USH2A: variants seen among roughly 807,000 people sequenced by gnomAD.
The protein encoded by USH2A is usherin.
A neutral mutation model predicts 538.9 loss-of-function variants in USH2A; 443 were observed. The ratio of observed to expected loss-of-function variants is 0.82; its 90% confidence interval spans 0.76 to 0.89. The LOEUF is 0.89. Among genes scored for constraint, USH2A ranks in the 40% least tolerant of loss-of-function variants. The probability of loss-of-function intolerance (pLI) is 0.00; values close to 1 mark genes in which losing one functional copy is unlikely to be tolerated. For synonymous variants in USH2A, 2,413 were observed against 2,273.5 expected (o/e 1.06, Z -1.75); for missense variants, 6,633 against 6,324.8 (o/e 1.05, Z -1.65).
chr1:216,048,477 C>A, intron 31 of USH2A, 57 bp downstream of exon 31: 1 of 1,534,080 alleles, frequency 6.5e-7, no homozygotes, highest in Non-Finnish European at 9.0e-7. Flanking sequence ...TAGCTCTTCT[C>A]CTATTTTATT....
intron 3 of USH2A, among the ~76,000 whole-genome samples, chr1:216,405,009 G>A (rs190737508): frequency 0.012 from 1,812 of 151,790 alleles, 28 homozygotes; most frequent in Non-Finnish European, 0.016. Flanking sequence ...CCCATAGGTG[G>A]AACTACAGAC....
At chr1:215,798,042 C>T (rs755923263) in intron 50 of USH2A, among the ~76,000 whole-genome samples, 13 of 152,066 alleles carry the variant, frequency 8.5e-5, no homozygotes, top group Admixed American at 4.6e-4. Flanking sequence ...GATTCCAACC[C>T]TCATGGATGA....
At chr1:216,039,542 A>G (rs917359830) in intron 32 of USH2A, among the ~76,000 whole-genome samples, 1 of 152,006 alleles carries the variant, frequency 6.6e-6, no homozygotes, top group Non-Finnish European at 1.5e-5. Flanking sequence ...TCCTTTAGGT[A>G]ATAGTATTTT....
rs1458430039 is a variant in USH2A, at chr1:216,327,646, G to A, written c.793C>T (p.Gln265Ter). The A allele has an allele frequency of 6.2e-7, 1 of 1,613,042 alleles. No homozygotes were observed. Among genetic ancestry groups the A allele is most frequent in the Non-Finnish European group, 8.5e-7 (1 of 1,179,408 alleles). ...AAATCTTGCATTCTTCCGACAAACTGCTCTAAACCTGCAAATACACACATG... is the reference window on the plus strand; with the variant it reads ...AAATCTTGCATTCTTCCGACAAACTACTCTAAACCTGCAAATACACACATG... ...QIGQSLNGLE[Q>*]FVGRMQDFRL... The change falls in exon 5 of 72, where the codon CAG becomes TAG. Residue 265 changes from glutamine (Q) to a stop codon, truncating the protein, a stop_gained. Coordinates refer to ENST00000307340, the MANE Select transcript of USH2A (RefSeq NM_206933.4). LOFTEE classifies it high-confidence loss of function.
intron 30 of USH2A, among the ~76,000 whole-genome samples, chr1:216,061,904 C>T (rs551141599): frequency 9.2e-5 from 14 of 152,264 alleles, no homozygotes; most frequent in South Asian, 8.3e-4. Context: ...AGGGTGGCTG[C>T]GCGGCTAATG....
Position 216,207,292 on chromosome 1 carries a change from T to A in USH2A, c.3297A>T (p.Thr1099=). ...LLRDGFEIYT[T]EDQYPYSIQY... is the part of the protein sequence containing the mutation. ...ACTCACTGTATGGGTATTGATCCTC[T>A]GTTGTGTAGATTTCAAAACCATCCC... The change falls in exon 16 of 72, where the codon ACA becomes ACT. Residue 1099 remains threonine (T), a synonymous_variant. Coordinates refer to ENST00000307340, the MANE Select transcript of USH2A (RefSeq NM_206933.4). The A allele has an allele frequency of 1.2e-6, 2 of 1,614,016 alleles. No individual in the cohort carries two copies. The highest frequency in any genetic ancestry group is 8.5e-7 in the Non-Finnish European group (1 of 1,179,920).
At chr1:215,829,944 T>C (rs556889827) in intron 47 of USH2A, among the ~76,000 whole-genome samples, 2 of 152,164 alleles carry the variant, frequency 1.3e-5, no homozygotes, top group African/African-American at 4.8e-5. Context: ...CAGGCCAATA[T>C]GGAATAAGCC....
Position 215,798,986 on chromosome 1 carries a change from C to T in USH2A, c.9879G>A (p.Lys3293=). 6.2e-7 allele frequency: 1 copy of T among 1,614,148 alleles called. No individual in the cohort carries two copies. The highest frequency in any genetic ancestry group is 8.5e-7 in the Non-Finnish European group (1 of 1,180,006). Residue 3293 remains lysine, a synonymous_variant, in exon 50 of 72, where the codon AAG becomes AAA. Transcript: ENST00000307340. ...TGCTCACAATCTGTCTGCCACAGCA[C>T]TTCTGGCCATGGCCATCATGAAGCC... ...AGRLHDGHGQ[K]CCGRQIVSND...
intron 9 of USH2A, among the ~76,000 whole-genome samples, chr1:216,294,640 A>G (rs959200392): frequency 6.6e-6 from 1 of 151,800 alleles, no homozygotes; most frequent in Non-Finnish European, 1.5e-5. Context: ...CATTTTAAAG[A>G]TTTTGTTAAA....
intron 4 of USH2A, among the ~76,000 whole-genome samples, chr1:216,355,800 A>G (rs1392579240): frequency 6.6e-6 from 1 of 152,026 alleles, no homozygotes; most frequent in East Asian, 1.9e-4. Context: ...TTTCTCCCTC[A>G]CCCTAAGTAA....
At chr1:216,240,016 A>C (rs1377968181) in intron 13 of USH2A, among the ~76,000 whole-genome samples, 21 of 16,280 alleles carry the variant, frequency 1.3e-3, no homozygotes, top group Admixed American at 5.6e-3. Context: ...AAATAAACAA[A>C]AAAAAAAAAA....
At chr1:216,389,280 C>G (rs1182999367) in intron 3 of USH2A, among the ~76,000 whole-genome samples, 1 of 152,016 alleles carries the variant, frequency 6.6e-6, no homozygotes, top group Middle Eastern at 3.2e-3. Context: ...ATAAATGCTG[C>G]CACTTTTTAA....
chr1:215,689,154 A>G (rs1376924982), intron 61 of USH2A, among the ~76,000 whole-genome samples: 1 of 152,154 alleles, frequency 6.6e-6, no homozygotes, highest in African/African-American at 2.4e-5. Flanking sequence ...TGGGAAGGGA[A>G]GGAACAACTT....
At chr1:216,381,736 C>G (rs2038926180) in intron 3 of USH2A, among the ~76,000 whole-genome samples, 1 of 152,038 alleles carries the variant, frequency 6.6e-6, no homozygotes, top group Non-Finnish European at 1.5e-5. Context: ...TTTCAGTTTT[C>G]TCCTGCTACA....
chr1:215,808,870 C>T (rs1175281163), intron 49 of USH2A, among the ~76,000 whole-genome samples: 6 of 152,044 alleles, frequency 3.9e-5, no homozygotes, highest in Non-Finnish European at 8.8e-5. Flanking sequence ...CCCTCATGTA[C>T]AGGTTTTTGT....
chr1:215,945,991 G>A (rs1304850471), intron 37 of USH2A, among the ~76,000 whole-genome samples: 7 of 152,106 alleles, frequency 4.6e-5, no homozygotes, highest in African/African-American at 1.4e-4. Flanking sequence ...TATTTTTTAA[G>A]AATTCTGAAC....
chr1:215,640,814 A>T, intron 67 of USH2A, 80 bp from the exon 68 acceptor site: 5 of 1,339,576 alleles, frequency 3.7e-6, no homozygotes, highest in African/African-American at 1.5e-5. Flanking sequence ...AAAAAAAAAT[A>T]TGAGCAAAAT....
chr1:216,271,612 A>C (rs955102902), intron 11 of USH2A, among the ~76,000 whole-genome samples: 1 of 152,128 alleles, frequency 6.6e-6, no homozygotes, highest in Non-Finnish European at 1.5e-5. Context: ...AGTGGTAAAA[A>C]ATTTAACATT....
intron 9 of USH2A, among the ~76,000 whole-genome samples, chr1:216,317,129 G>A (rs2037523972): frequency 6.6e-6 from 1 of 152,114 alleles, no homozygotes; most frequent in East Asian, 1.9e-4. Context: ...AGTATAAATA[G>A]TTCAACCATT....
Sources: gnomAD v4.1 joint callset for allele counts (sites outside exome capture counted in the v4.1 genomes callset) on GRCh38, gnomAD v4.1.1 for gene constraint, MANE v1.5 for transcripts, NCBI Gene and HGNC (gene_info 2026-07-23, HGNC 2026-07-21) for gene names.